Variants in POU6F2 observed in about 807,000 individuals in gnomAD.
POU6F2 encodes POU domain, class 6, transcription factor 2.
A neutral mutation model predicts 71.3 loss-of-function variants in POU6F2; 31 were observed. The ratio of observed to expected loss-of-function variants is 0.43; its 90% confidence interval spans 0.33 to 0.59. POU6F2 has a LOEUF of 0.59. POU6F2 is among the 20% of genes least tolerant of loss of function. POU6F2 has a pLI of 0.04. For synonymous variants in POU6F2, 347 were observed against 355.7 expected, an observed-to-expected ratio of 0.98 and a Z score of 0.27; for missense variants, 783 against 856.8, an observed-to-expected ratio of 0.91 and a Z score of 1.07.
chr7:39,121,880 G>A (rs565440109), intron 2 of POU6F2, among the ~76,000 whole-genome samples: 1 of 152,236 alleles, frequency 6.6e-6, no homozygotes, highest in South Asian at 2.1e-4. Flanking sequence ...TGTATTTTTA[G>A]TAGAGATGGG....
chr7:39,053,509 CAGA>C (rs1055841010), intron 1 of POU6F2, among the ~76,000 whole-genome samples: 99 of 152,112 alleles, frequency 6.5e-4, no homozygotes, highest in African/African-American at 2.2e-3. Context: ...TTTTTCCCCC[CAGA>C]AGATCCCTGA....
intron 1 of POU6F2, among the ~76,000 whole-genome samples, chr7:39,002,637 A>G (rs1041662284): frequency 3.3e-5 from 5 of 152,202 alleles, no homozygotes; most frequent in African/African-American, 1.2e-4. Context: ...GTGAGCCACC[A>G]CACCCGGCCA....
intron 2 of POU6F2, among the ~76,000 whole-genome samples, chr7:39,116,018 C>T (rs1200462628): frequency 1.3e-5 from 2 of 152,158 alleles, no homozygotes; most frequent in African/African-American, 4.8e-5. Flanking sequence ...TGGGCAAAAC[C>T]TACTCAGCAG....
At chr7:39,388,181 A>G (rs1786987407) in intron 5 of POU6F2, among the ~76,000 whole-genome samples, 1 of 152,212 alleles carries the variant, frequency 6.6e-6, no homozygotes, top group African/African-American at 2.4e-5. Flanking sequence ...CAGTGCTCAC[A>G]TGGAAAACTT....
intron 4 of POU6F2, among the ~76,000 whole-genome samples, chr7:39,318,280 T>C (rs1785313005): frequency 6.6e-6 from 1 of 152,132 alleles, no homozygotes; most frequent in African/African-American, 2.4e-5. Flanking sequence ...CAAGGACCCC[T>C]GCACCAGAAG....
intron 5 of POU6F2, among the ~76,000 whole-genome samples, chr7:39,403,613 A>G (rs1334913514): frequency 6.6e-6 from 1 of 152,180 alleles, no homozygotes; most frequent in African/African-American, 2.4e-5. Flanking sequence ...CCTGCTGTCC[A>G]AATCTACCCG....
chr7:39,003,025 C>A (rs948729994), intron 1 of POU6F2, among the ~76,000 whole-genome samples: 1 of 152,184 alleles, frequency 6.6e-6, no homozygotes, highest in Non-Finnish European at 1.5e-5. Flanking sequence ...TAGTTATCTT[C>A]GTTTCCGAAT....
At chr7:39,181,146 G>T (rs186752200) in intron 2 of POU6F2, among the ~76,000 whole-genome samples, 1 of 152,302 alleles carries the variant, frequency 6.6e-6, no homozygotes, top group East Asian at 1.9e-4. Flanking sequence ...TTCAGGAAGA[G>T]ACTGTTCACT....
intron 4 of POU6F2, among the ~76,000 whole-genome samples, chr7:39,293,391 A>G (rs374465412): frequency 1.3e-4 from 20 of 152,344 alleles, no homozygotes; most frequent in East Asian, 1.2e-3. Flanking sequence ...GACAGAATTT[A>G]TGAAGCGCTG....
At chr7:39,055,788 A>T (rs1562688199) in intron 1 of POU6F2, among the ~76,000 whole-genome samples, 1 of 152,014 alleles carries the variant, frequency 6.6e-6, no homozygotes, top group Non-Finnish European at 1.5e-5. Context: ...TAGCACAGAA[A>T]GTTTTCTTTT....
chr7:39,157,429 T>C (rs1792894401), intron 2 of POU6F2, among the ~76,000 whole-genome samples: 1 of 152,210 alleles, frequency 6.6e-6, no homozygotes, highest in African/African-American at 2.4e-5. Context: ...TTATTTATTA[T>C]CGATTTTTTA....
At chr7:39,090,332 C>T (rs1206358645) in intron 2 of POU6F2, among the ~76,000 whole-genome samples, 3 of 151,990 alleles carry the variant, frequency 2.0e-5, no homozygotes, top group Admixed American at 1.3e-4. Context: ...GAATTTATGG[C>T]AGTAGAGTCG....
chr7:39,217,953 G>A (rs557350911), intron 4 of POU6F2, among the ~76,000 whole-genome samples: 14 of 152,154 alleles, frequency 9.2e-5, no homozygotes, highest in Non-Finnish European at 1.6e-4. Flanking sequence ...ATTGTCAAAG[G>A]ATAATGGTTT....
At chr7:39,403,311 C>G (rs142274855) in intron 5 of POU6F2, among the ~76,000 whole-genome samples, 1 of 152,304 alleles carries the variant, frequency 6.6e-6, no homozygotes, top group East Asian at 1.9e-4. Context: ...GTATTCAAGG[C>G]CCAGAATCCA....
rs1445232111 is a variant in POU6F2 at position 39,401,853 on chromosome 7, C to A, written c.973-4747C>A. On this transcript the variant is annotated intron_variant, in intron 5 of 9. Transcript: ENST00000518318. The stretch of plus-strand genomic sequence containing the variant: ...CATACTCTATAAAATCCACATAGCT[C>A]ATGAGGAGAATGATAGAACTATAGA... Among the ~76,000 whole-genome samples, 5 of 152,238 alleles carry A rather than the reference C, an allele frequency of 3.3e-5. 1 individual carries two copies. The highest frequency in any genetic ancestry group is 4.1e-4 in the South Asian group (2 of 4,826).
intron 6 of POU6F2, among the ~76,000 whole-genome samples, chr7:39,429,022 G>A (rs1477292202): frequency 6.7e-6 from 1 of 149,784 alleles, no homozygotes; most frequent in African/African-American, 2.4e-5. Context: ...TAAATGATGA[G>A]TTAATGGGTG....
chr7:39,156,786 C>T (rs1792879912), intron 2 of POU6F2, among the ~76,000 whole-genome samples: 1 of 152,188 alleles, frequency 6.6e-6, no homozygotes, highest in Non-Finnish European at 1.5e-5. Context: ...ACCCCTCATT[C>T]ATTGCTCTTC....
At chr7:39,153,615 A>G (rs1792803622) in intron 2 of POU6F2, among the ~76,000 whole-genome samples, 1 of 152,232 alleles carries the variant, frequency 6.6e-6, no homozygotes, top group Admixed American at 6.5e-5. Flanking sequence ...AATTAATTAA[A>G]AGATTAATTA....
intron 5 of POU6F2, among the ~76,000 whole-genome samples, chr7:39,392,483 A>G (rs1787091765): frequency 6.6e-6 from 1 of 152,092 alleles, no homozygotes; most frequent in African/African-American, 2.4e-5. Flanking sequence ...CTAGCCTTAG[A>G]CCCAACACCC....
Sources: allele counts gnomAD v4.1 joint callset (sites outside exome capture counted in the v4.1 genomes callset), GRCh38; gene constraint gnomAD v4.1.1; transcripts MANE v1.5; gene names NCBI Gene and HGNC (gene_info 2026-07-23, HGNC 2026-07-21).